PHACTR3: variants seen among roughly 807,000 people sequenced by gnomAD.
PHACTR3 encodes the protein protein phosphatase 1, regulatory subunit 123.
In PHACTR3, 16 loss-of-function variants were observed where a neutral mutation model predicts 66.8. The observed-to-expected ratio is 0.24, with a 90% CI of 0.16 to 0.36. PHACTR3 has a LOEUF of 0.36. Among genes scored for constraint, PHACTR3 ranks in the 10% least tolerant of loss-of-function variants. PHACTR3 has a pLI of 1.00. For synonymous variants in PHACTR3, 323 were observed against 292.1 expected (o/e 1.11, Z -1.08); for missense variants, 647 against 719.9 (o/e 0.90, Z 1.16).
rs779516285 is a variant in PHACTR3 at position 59,747,778 on chromosome 20, G to A, written c.301G>A (p.Gly101Ser). 1.2e-5 allele frequency: 20 copies of A among 1,613,868 alleles called. No individual in the cohort carries two copies. The highest frequency in any genetic ancestry group is 8.3e-5 in the Admixed American group (5 of 60,002). ...GGCAGCGCTGGAGAAGAAGATGGCC[G>A]GCAGGCAAGGCCGAGAGGAGCTCAT... ...TTSALEKKMA[G>S]RQGREELIKK... The change falls in exon 3 of 13, where the codon GGC becomes AGC. Residue 101 changes from glycine to serine, a missense_variant. By Grantham distance (56) the Gly-to-Ser change is moderately conservative. Transcript: ENST00000371015.
chr20:59,720,712 A>T (rs1288394086), intron 1 of PHACTR3, among the ~76,000 whole-genome samples: 3 of 152,182 alleles, frequency 2.0e-5, no homozygotes, highest in Non-Finnish European at 4.4e-5. Flanking sequence ...CTTAAGAAGG[A>T]TTTAAGAATC....
intron 9 of PHACTR3, among the ~76,000 whole-genome samples, chr20:59,838,205 T>G (rs1393694688): frequency 2.6e-5 from 4 of 152,202 alleles, no homozygotes; most frequent in African/African-American, 9.7e-5. Context: ...CTGCTAGGTT[T>G]GTGGTGGGTG....
intron 1 of PHACTR3, among the ~76,000 whole-genome samples, chr20:59,614,380 C>T (rs67165855): frequency 0.053 from 8,033 of 152,280 alleles, 486 homozygotes; most frequent in East Asian, 0.31. Context: ...TCAGGCAAGG[C>T]GATGGCAGAG....
intron 7 of PHACTR3, among the ~76,000 whole-genome samples, chr20:59,795,181 TG>T (rs2041216740): frequency 6.6e-6 from 1 of 152,146 alleles, no homozygotes; most frequent in Admixed American, 6.5e-5. Context: ...GGGTTTGGTA[TG>T]TTTTTACTTT....
upstream of PHACTR3, chr20:59,603,761 C>G (rs1189489389): frequency 6.6e-6 from 1 of 152,514 alleles, no homozygotes; most frequent in African/African-American, 2.4e-5. Context: ...GAAATGCCTC[C>G]TCCTCTGGGC....
rs909626042 is a variant in PHACTR3, at chr20:59,829,633, G to A, written c.1329-6872G>A. ...TCGCTGGGGAATCCCATCTCCAGGC[G>A]GGGGCCGCCAGCTTTTCTCAGTGAC... On this transcript the variant is annotated intron_variant, in intron 8 of 12. Coordinates refer to ENST00000371015, the MANE Select transcript of PHACTR3 (RefSeq NM_080672.5). The surrounding 1 kb of genome is among the most constrained non-coding windows in gnomAD (Gnocchi z 4.2). 2.0e-5 allele frequency among the ~76,000 whole-genome samples: 3 copies of A among 152,132 alleles called. No individual in the cohort carries two copies. The highest frequency in any genetic ancestry group is 2.4e-5 in the African/African-American group (1 of 41,420).
chr20:59,751,270 G>A (rs1030802453), intron 3 of PHACTR3, among the ~76,000 whole-genome samples: 12 of 152,308 alleles, frequency 7.9e-5, no homozygotes, highest in African/African-American at 2.6e-4. Context: ...TGCAGCCGGG[G>A]GCGCCCTCCT....
At chr20:59,665,112 C>A (rs533700055) in intron 1 of PHACTR3, among the ~76,000 whole-genome samples, 1 of 152,358 alleles carries the variant, frequency 6.6e-6, no homozygotes, top group East Asian at 1.9e-4. Flanking sequence ...CATAAGCAGT[C>A]TTTCAGTAGA....
rs1002701493 is a variant in PHACTR3 at position 59,738,412 on chromosome 20, G to A, written c.119-4695G>A. 5.1e-5 allele frequency among the ~76,000 whole-genome samples: 7 copies of A among 136,450 alleles called. No individual in the cohort carries two copies. The highest frequency in any genetic ancestry group is 2.8e-4 in the East Asian group (1 of 3,574). 89.5% of individuals were successfully genotyped at this position (136,450 alleles called of 152,430 possible). Reference sequence around the variant, plus strand: ...TTTTGTCCTAAATGAGAAGGGAAGCGAGCAGGAAGTGATAGGGTTAGAGCT... The same window carrying A: ...TTTTGTCCTAAATGAGAAGGGAAGCAAGCAGGAAGTGATAGGGTTAGAGCT... On this transcript the variant is annotated intron_variant, in intron 1 of 12. Transcript: ENST00000371015. This position sits in a 1 kb window ranked among gnomAD's most constrained non-coding sequence, Gnocchi z 4.4.
chr20:59,748,659 G>A (rs1427044411), intron 3 of PHACTR3, among the ~76,000 whole-genome samples: 3 of 152,160 alleles, frequency 2.0e-5, no homozygotes, highest in Non-Finnish European at 4.4e-5. Flanking sequence ...TCCCTGAGAG[G>A]CTAAATCTTG....
intron 1 of PHACTR3, among the ~76,000 whole-genome samples, chr20:59,717,785 A>T (rs942189885): frequency 6.6e-6 from 1 of 152,220 alleles, no homozygotes; most frequent in Non-Finnish European, 1.5e-5. Context: ...CCAGAATGGC[A>T]TTTTTTAGAA....
chr20:59,774,898 AC>A lies in PHACTR3; in HGVS notation c.1174+409del, dbSNP rs2040477976. ...ATAGCAAAAACAAAAACAAAAAAAA[AC>A]TGTAACAAGTAAAGCAGGACGAGAT... On this transcript the variant is annotated intron_variant, in intron 7 of 12. Coordinates refer to ENST00000371015, the MANE Select transcript of PHACTR3 (RefSeq NM_080672.5). 2.0e-5 allele frequency among the ~76,000 whole-genome samples: 3 copies of A among 152,060 alleles called. No individual in the cohort carries two copies. The South Asian group carries it at 6.2e-4, about 32-fold the overall frequency.
At chr20:59,834,888 C>T (rs2426848) in intron 8 of PHACTR3, among the ~76,000 whole-genome samples, 132,810 of 152,254 alleles carry the variant, frequency 0.87, 59,367 homozygotes, top group East Asian at 0.97. Context: ...TGTCTTGAGC[C>T]GCATACATAA....
At chr20:59,697,493 T>A (rs1278925025) in intron 1 of PHACTR3, among the ~76,000 whole-genome samples, 1 of 152,162 alleles carries the variant, frequency 6.6e-6, no homozygotes, top group African/African-American at 2.4e-5. Flanking sequence ...CCAGGAGACT[T>A]GGCTGTAGAT....
At chr20:59,577,577 G>C (rs1164197492) in exon 1 of PHACTR3, 8 of 1,207,918 alleles carry the variant, frequency 6.6e-6, no homozygotes, top group Non-Finnish European at 8.2e-6. Context: ...GCGCCTTCGG[G>C]GCCCGGGACG....
chr20:59,737,568 G>A (rs569924674), intron 1 of PHACTR3, among the ~76,000 whole-genome samples: 1 of 152,060 alleles, frequency 6.6e-6, no homozygotes, highest in Non-Finnish European at 1.5e-5. Context: ...CTGTGTGCAT[G>A]TGTGTGTGCG....
intron 1 of PHACTR3, among the ~76,000 whole-genome samples, chr20:59,711,279 C>T (rs2037905799): frequency 6.6e-6 from 1 of 152,172 alleles, no homozygotes; most frequent in South Asian, 2.1e-4. Flanking sequence ...TTGTCTCTAT[C>T]TCTGATTATG....
At chr20:59,631,531 G>A (rs2034664389) in intron 1 of PHACTR3, among the ~76,000 whole-genome samples, 1 of 152,118 alleles carries the variant, frequency 6.6e-6, no homozygotes, top group African/African-American at 2.4e-5. Context: ...CTTGACAGAG[G>A]CAGGAGGGGT....
At chr20:59,634,147 G>T (rs756574360) in intron 1 of PHACTR3, among the ~76,000 whole-genome samples, 3 of 152,204 alleles carry the variant, frequency 2.0e-5, no homozygotes, top group Non-Finnish European at 2.9e-5. Flanking sequence ...GCCCTGGAAG[G>T]GTTTGTAACA....
Sources: gnomAD v4.1 joint callset for allele counts (sites outside exome capture counted in the v4.1 genomes callset) on GRCh38, gnomAD v4.1.1 for gene constraint, Gnocchi (gnomAD v3.1) non-coding constraint, MANE v1.5 for transcripts, NCBI Gene and HGNC (gene_info 2026-07-23, HGNC 2026-07-21) for gene names.